The following PDXDC1 variants were observed in gnomAD, a reference collection of about 807,000 sequenced individuals.
PDXDC1 encodes the protein pyridoxal-dependent decarboxylase domain-containing protein 1.
A neutral mutation model predicts 100.1 loss-of-function variants in PDXDC1; 42 were observed. The ratio of observed to expected loss-of-function variants is 0.42; its 90% CI spans 0.33 to 0.54. The LOEUF is 0.54. Among genes scored for constraint, PDXDC1 ranks in the 20% least tolerant of loss-of-function variants. The probability of loss-of-function intolerance (pLI) is 0.10; values close to 1 mark genes in which losing one functional copy is unlikely to be tolerated. For missense variants in PDXDC1, 636 were observed against 979.2 expected (o/e 0.65, Z 4.68); for synonymous variants, 260 against 371.7 (o/e 0.70, Z 3.46).
chr16:15,055,076 C>T (rs1403692575), intron 16 of PDXDC1, among the ~76,000 whole-genome samples: 2 of 152,050 alleles, frequency 1.3e-5, no homozygotes, highest in East Asian at 3.9e-4. Flanking sequence ...AGTACGTTGC[C>T]CAACAGATAT....
chr16:14,977,459 C>T (rs1314101081), intron 1 of PDXDC1, among the ~76,000 whole-genome samples: 2 of 152,210 alleles, frequency 1.3e-5, no homozygotes, highest in Non-Finnish European at 2.9e-5. Context: ...TTTGTATTCC[C>T]AGTAGAGATG....
intron 16 of PDXDC1, chr16:15,055,685 G>A: frequency 2.7e-6 from 1 of 370,136 alleles, no homozygotes; most frequent in Non-Finnish European, 4.8e-6. Context: ...TCCCTTGTCA[G>A]AGAGTGGCCT....
At chr16:15,092,169 A>C (rs2046158721) in intron 16 of PDXDC1, among the ~76,000 whole-genome samples, 1 of 152,082 alleles carries the variant, frequency 6.6e-6, no homozygotes, top group Non-Finnish European at 1.5e-5. Context: ...ACAGAGGAAG[A>C]CTCCAGCACA....
At chr16:14,985,281 CTTTTTTTT>C (rs769346480) in intron 1 of PDXDC1, among the ~76,000 whole-genome samples, 5 of 114,512 alleles carry the variant, frequency 4.4e-5, no homozygotes, top group East Asian at 6.2e-4. Flanking sequence ...TGATAAACAA[CTTTTTTTT>C]TTTTTTTTTT....
At chr16:15,052,813 AGGC>A (rs1417393810) in intron 16 of PDXDC1, among the ~76,000 whole-genome samples, 1 of 152,090 alleles carries the variant, frequency 6.6e-6, no homozygotes, top group Non-Finnish European at 1.5e-5. Context: ...TGACAGAGCA[AGGC>A]TCTGTCTCTC....
intron 16 of PDXDC1, chr16:15,125,508 A>G: frequency 2.8e-6 from 4 of 1,432,992 alleles, no homozygotes; most frequent in Non-Finnish European, 2.9e-6. Flanking sequence ...CTCCAGACAC[A>G]GTGACCTGCA....
chr16:15,082,962 T>G (rs2045766224), intron 16 of PDXDC1, among the ~76,000 whole-genome samples: 1 of 152,184 alleles, frequency 6.6e-6, no homozygotes, highest in Non-Finnish European at 1.5e-5. Flanking sequence ...CTACAGATAT[T>G]CCTGAAATGA....
intron 22 of PDXDC1, 149 bp downstream of exon 22, chr16:15,035,702 A>G (rs767391197): frequency 9.6e-5 from 58 of 601,278 alleles, no homozygotes; most frequent in Non-Finnish European, 1.3e-4. Context: ...TAGCCGTGGG[A>G]TTCAGCCTTG....
chr16:15,051,055 A>G (rs751334772), intron 16 of PDXDC1, among the ~76,000 whole-genome samples: 15 of 152,222 alleles, frequency 9.9e-5, no homozygotes, highest in Admixed American at 2.6e-4. Flanking sequence ...TTAGTTCAGA[A>G]TAACAGGGGA....
chr16:15,128,617 T>C (rs560054227), intron 16 of PDXDC1, among the ~76,000 whole-genome samples: 26 of 152,086 alleles, frequency 1.7e-4, no homozygotes, highest in Non-Finnish European at 3.1e-4. Context: ...CTGTAACTTG[T>C]GACATGCAAA....
chr16:15,150,017 A>C, the PDXDC1 span, among the ~76,000 whole-genome samples: 1 of 152,036 alleles, frequency 6.6e-6, no homozygotes, highest in Non-Finnish European at 1.5e-5. Context: ...AAATTGCACA[A>C]GGAAAAAGAG....
rs767945035 is a variant in PDXDC1, at chr16:15,033,279, C to T, written c.1692C>T (p.Gly564=). The T allele has an allele frequency of 1.4e-5, 23 of 1,614,004 alleles. No individual in the cohort carries two copies. Among genetic ancestry groups the T allele is most frequent in the Non-Finnish European group, 1.7e-5 (20 of 1,179,996 alleles). ...AAGTTTGTCTCGTTACCTTTGCAGGCCCTGAGTATAAGAGCATGAAGAGCT... is the reference window on the plus strand; with the variant it reads ...AAGTTTGTCTCGTTACCTTTGCAGGTCCTGAGTATAAGAGCATGAAGAGCT... The part of the protein sequence containing the change: ...ELESDLTFKI[G]PEYKSMKSCL... The change falls in exon 19 of 23, where the codon GGC becomes GGT. Residue 564 remains glycine (G), a splice_region_variant and synonymous_variant. Transcript: ENST00000396410.
intron 1 of PDXDC1, among the ~76,000 whole-genome samples, chr16:14,996,946 T>C (rs1242733866): frequency 7.9e-5 from 12 of 152,284 alleles, no homozygotes; most frequent in African/African-American, 2.9e-4. Context: ...ATAAGTGATC[T>C]TACCAAAGAC....
Position 15,110,094 on chromosome 16 carries a change from G to A in PDXDC1, c.1400-28785G>A, listed in dbSNP as rs142022685. ...GCTTGAACCCAAAAGACAGTGAGCT[G>A]AGATTGTGCCATTGCACTACAGCCT... On this transcript the variant is annotated intron_variant, in intron 16 of 16. Coordinates refer to the PDXDC1 transcript ENST00000535621. Among the ~76,000 whole-genome samples, 272 of 148,984 alleles carry A rather than the reference G, an allele frequency of 1.8e-3. 2 individuals carry two copies. The highest frequency in any genetic ancestry group is 6.3e-3 in the African/African-American group (261 of 41,116).
intron 16 of PDXDC1, among the ~76,000 whole-genome samples, chr16:15,095,574 C>T (rs867065837): frequency 1.1e-4 from 17 of 152,002 alleles, no homozygotes; most frequent in African/African-American, 3.1e-4. Flanking sequence ...TGTATGGGCC[C>T]GGCGCAGTGG....
At chr16:15,095,381 CA>C (rs1477848462) in intron 16 of PDXDC1, among the ~76,000 whole-genome samples, 1 of 151,684 alleles carries the variant, frequency 6.6e-6, no homozygotes, top group Non-Finnish European at 1.5e-5. Flanking sequence ...TCCATCTCTA[CA>C]AAAAATTTAA....
At chr16:15,051,269 C>A (rs1046537302) in intron 16 of PDXDC1, among the ~76,000 whole-genome samples, 25 of 152,256 alleles carry the variant, frequency 1.6e-4, no homozygotes, top group Non-Finnish European at 7.3e-5. Context: ...TTCAACACAG[C>A]TCCTACGATT....
chr16:15,021,869 G>A (rs1355650249), intron 12 of PDXDC1, among the ~76,000 whole-genome samples: 1 of 152,296 alleles, frequency 6.6e-6, no homozygotes, highest in Non-Finnish European at 1.5e-5. Context: ...GTCTTCAGTA[G>A]TTATTGAGCA....
At chr16:15,051,819 G>A (rs1169037581) in intron 16 of PDXDC1, among the ~76,000 whole-genome samples, 1 of 150,580 alleles carries the variant, frequency 6.6e-6, no homozygotes, top group Non-Finnish European at 1.5e-5. Context: ...TCCCACCTCA[G>A]CCTCCTTTGC....
Sources: gnomAD v4.1 joint callset for allele counts (sites outside exome capture counted in the v4.1 genomes callset) on GRCh38, gnomAD v4.1.1 for gene constraint, MANE v1.5 for transcripts, NCBI Gene and HGNC (gene_info 2026-07-23, HGNC 2026-07-21) for gene names.